TMEM178B: variants seen among roughly 807,000 people sequenced by gnomAD.
The protein encoded by TMEM178B is transmembrane protein 178B.
A neutral mutation model predicts 31.0 loss-of-function variants in TMEM178B; 5 were observed. The observed-to-expected ratio is 0.16, with a 90% confidence interval of 0.08 to 0.34. The LOEUF is 0.34. Among genes scored for constraint, TMEM178B ranks in the 10% least tolerant of loss-of-function variants. The pLI is 1.00. For missense variants in TMEM178B, 275 were observed against 400.3 expected (o/e 0.69, Z 2.67); for synonymous variants, 164 against 164.0 (o/e 1.00, Z 0.00).
intron 2 of TMEM178B, among the ~76,000 whole-genome samples, chr7:141,391,245 A>G (rs1800533220): frequency 6.6e-6 from 1 of 151,792 alleles, no homozygotes; most frequent in Admixed American, 6.6e-5. Context: ...GGCTCACTGC[A>G]ACTTCCACCT....
At chr7:141,254,700 G>T (rs758462943) in intron 2 of TMEM178B, among the ~76,000 whole-genome samples, 1 of 152,150 alleles carries the variant, frequency 6.6e-6, no homozygotes, top group Admixed American at 6.5e-5. Context: ...CAGCCTGGGG[G>T]ACAAGAGCGA....
At chr7:141,415,927 C>A (rs1002673772) in intron 2 of TMEM178B, 1 of 152,552 alleles carries the variant, frequency 6.6e-6, no homozygotes, top group South Asian at 2.1e-4. Context: ...ACTTCTGATT[C>A]ATGTAAGTTA....
intron 3 of TMEM178B, among the ~76,000 whole-genome samples, chr7:141,463,588 T>C (rs1171223460): frequency 6.6e-6 from 1 of 152,186 alleles, no homozygotes; most frequent in African/African-American, 2.4e-5. Context: ...GCTGCCGCCA[T>C]GGATCAGGGT....
Position 141,223,290 on chromosome 7 carries a change from T to C in TMEM178B, c.496+10586T>C, listed in dbSNP as rs571361512. 7.9e-5 allele frequency among the ~76,000 whole-genome samples: 12 copies of C among 152,178 alleles called. No individual in the cohort carries two copies. The South Asian group carries it at 1.7e-3, about 21-fold the overall frequency. The stretch of plus-strand genomic sequence containing the variant: ...TTACTATACTGTATTACTATCCCCT[T>C]ATTTTCATCTCTTTGCTCTGGTTCT... On this transcript the variant is annotated intron_variant, in intron 2 of 3. Transcript: ENST00000565468.
At chr7:141,330,717 G>T (rs192344930) in intron 2 of TMEM178B, among the ~76,000 whole-genome samples, 43 of 152,278 alleles carry the variant, frequency 2.8e-4, no homozygotes, top group South Asian at 6.2e-4. Flanking sequence ...CCACTGGGAG[G>T]CTTTGCAAAG....
chr7:141,410,484 TTTCTCTCCTTCCTTCC>T (rs1424826795), intron 2 of TMEM178B, among the ~76,000 whole-genome samples: 6 of 145,180 alleles, frequency 4.1e-5, no homozygotes, highest in Non-Finnish European at 9.1e-5. Flanking sequence ...TCTTTTTTTC[TTTCTCTCCTTCCTTCC>T]TTCCCTCCTT....
At chr7:141,248,481 G>A (rs1020524728) in intron 2 of TMEM178B, among the ~76,000 whole-genome samples, 24 of 152,186 alleles carry the variant, frequency 1.6e-4, no homozygotes, top group African/African-American at 4.3e-4. Flanking sequence ...AAGCAATGTT[G>A]TTGCTGTGTC....
chr7:141,086,010 G>A (rs565197342), intron 1 of TMEM178B, among the ~76,000 whole-genome samples: 7 of 152,108 alleles, frequency 4.6e-5, no homozygotes, highest in Middle Eastern at 3.4e-3. Context: ...AATGATCATG[G>A]TATATTTGAA....
chr7:141,279,853 C>T (rs1332791416), intron 2 of TMEM178B, among the ~76,000 whole-genome samples: 1 of 152,226 alleles, frequency 6.6e-6, no homozygotes, highest in Non-Finnish European at 1.5e-5. Flanking sequence ...CTCCATGATT[C>T]CCAAGTTATT....
chr7:141,183,885 G>A (rs1025554705), intron 1 of TMEM178B, among the ~76,000 whole-genome samples: 1 of 152,196 alleles, frequency 6.6e-6, no homozygotes, highest in African/African-American at 2.4e-5. Context: ...CCCGGCATGC[G>A]GCCTCCTTGG....
chr7:141,304,254 G>A (rs755194288), intron 2 of TMEM178B, among the ~76,000 whole-genome samples: 4 of 152,108 alleles, frequency 2.6e-5, no homozygotes, highest in African/African-American at 4.8e-5. Flanking sequence ...TGAGGTACTG[G>A]CAATTAAAGA....
At chr7:141,346,197 G>C (rs1799617095) in intron 2 of TMEM178B, among the ~76,000 whole-genome samples, 1 of 151,438 alleles carries the variant, frequency 6.6e-6, no homozygotes, top group African/African-American at 2.4e-5. Flanking sequence ...CTCCAGCCTG[G>C]GCAACAGAGC....
intron 1 of TMEM178B, among the ~76,000 whole-genome samples, chr7:141,128,581 A>G (rs1021021420): frequency 6.6e-6 from 1 of 152,114 alleles, no homozygotes; most frequent in African/African-American, 2.4e-5. Context: ...CAAATTGTTA[A>G]TTCATGCCAG....
At chr7:141,176,331 T>TTTGGA (rs1796433931) in intron 1 of TMEM178B, among the ~76,000 whole-genome samples, 3 of 152,224 alleles carry the variant, frequency 2.0e-5, no homozygotes, top group Admixed American at 6.5e-5. Flanking sequence ...GTGGATAAGC[T>TTTGGA]TTCTGATGTG....
At chr7:141,258,842 G>T (rs762923185) in intron 2 of TMEM178B, among the ~76,000 whole-genome samples, 4 of 152,040 alleles carry the variant, frequency 2.6e-5, no homozygotes, top group Non-Finnish European at 5.9e-5. Context: ...TCAGATTATT[G>T]TTCTCCTATA....
intron 3 of TMEM178B, among the ~76,000 whole-genome samples, chr7:141,438,487 G>T (rs1037953195): frequency 3.3e-5 from 5 of 151,666 alleles, no homozygotes; most frequent in African/African-American, 1.2e-4. Flanking sequence ...TGACCACTGG[G>T]TATGTCCATC....
chr7:141,206,580 T>A (rs1326884503), intron 1 of TMEM178B, among the ~76,000 whole-genome samples: 8 of 152,178 alleles, frequency 5.3e-5, no homozygotes, highest in Non-Finnish European at 1.0e-4. Context: ...ACAGGTTGGC[T>A]GTGACTCTCT....
intron 2 of TMEM178B, among the ~76,000 whole-genome samples, chr7:141,304,859 A>G (rs1798789757): frequency 6.6e-6 from 1 of 152,132 alleles, no homozygotes; most frequent in African/African-American, 2.4e-5. Context: ...TGTGTTTGCA[A>G]TGTCACTGGC....
chr7:141,303,773 G>A (rs1798767266), intron 2 of TMEM178B, among the ~76,000 whole-genome samples: 1 of 152,108 alleles, frequency 6.6e-6, no homozygotes, highest in African/African-American at 2.4e-5. Flanking sequence ...CCAAAGCAGG[G>A]GAAAAAGGAG....
Sources: allele counts gnomAD v4.1 joint callset (sites outside exome capture counted in the v4.1 genomes callset), GRCh38; gene constraint gnomAD v4.1.1; transcripts MANE v1.5; gene names NCBI Gene and HGNC (gene_info 2026-07-23, HGNC 2026-07-21).